Variants in CAP1 observed in about 807,000 individuals in gnomAD.
The protein encoded by CAP1 is adenylyl cyclase-associated protein 1.
Under a neutral mutation model 58.2 loss-of-function variants are expected in CAP1, and 11 were observed. The ratio of observed to expected loss-of-function variants is 0.19; its 90% CI spans 0.12 to 0.31. CAP1 has a LOEUF of 0.31. Among genes scored for constraint, CAP1 ranks in the 10% least tolerant of loss-of-function variants. CAP1 has a pLI of 1.00. For missense variants in CAP1, 423 were observed against 587.5 expected (o/e 0.72, Z 2.89); for synonymous variants, 183 against 213.8 (o/e 0.86, Z 1.26).
rs777575243 is a variant in CAP1 at position 40,070,463 on chromosome 1, A to G, written c.1151A>G (p.Asp384Gly). Residue 384 changes from aspartate to glycine, a missense_variant, in exon 11 of 13, where the codon GAC (aspartate) becomes GGC (glycine). Transcript: ENST00000372805. The part of the protein sequence containing the change: ...NCKKLGLVFD[D>G]VVGIVEIINS... Reference sequence around the variant, plus strand: ...AAGAAACTTGGCCTGGTATTCGATGACGTGGTGGGCATTGTGGAGATAATC... The same window carrying G: ...AAGAAACTTGGCCTGGTATTCGATGGCGTGGTGGGCATTGTGGAGATAATC... 8 of 1,614,138 alleles carry G rather than the reference A, an allele frequency of 5.0e-6. No individual in the cohort carries two copies. The highest frequency in any genetic ancestry group is 6.8e-6 in the Non-Finnish European group (8 of 1,179,974).
rs972925483 is a variant in CAP1 at position 40,049,087 on chromosome 1, G to A, written c.-11+8286G>A. Among the ~76,000 whole-genome samples the A allele has an allele frequency of 2.0e-5, 3 of 151,370 alleles. 1 individual carries two copies. The highest frequency in any genetic ancestry group is 7.3e-5 in the African/African-American group (3 of 41,214). On this transcript the variant is annotated intron_variant, in intron 1 of 12. Transcript: ENST00000372805. ...AACCTGGTTCCATTTACTTCTGAAT[G>A]ACTTCCTTGAATAGGCAGAAGGAAT...
At chr1:40,059,529 C>G in intron 2 of CAP1, 71 bp downstream of exon 2, 1 of 902,848 alleles carries the variant, frequency 1.1e-6, no homozygotes. Flanking sequence ...ATTATTCTCT[C>G]CTTTGGCGCT....
intron 1 of CAP1, among the ~76,000 whole-genome samples, chr1:40,054,190 G>GTTTTTTTTTTTT (rs1553162751): frequency 2.3e-5 from 3 of 128,128 alleles, no homozygotes; most frequent in Admixed American, 1.5e-4. Context: ...TTAGCCCACT[G>GTTTTTTTTTTTT]TTCTTTTTTT....
chr1:40,043,821 G>T (rs1645956789), intron 1 of CAP1, among the ~76,000 whole-genome samples: 1 of 151,822 alleles, frequency 6.6e-6, no homozygotes. Context: ...AGGTTGCAGT[G>T]AGCTGAGATT....
chr1:40,065,145 G>A (rs1368272150), intron 6 of CAP1, among the ~76,000 whole-genome samples: 1 of 152,188 alleles, frequency 6.6e-6, no homozygotes, highest in Non-Finnish European at 1.5e-5. Flanking sequence ...ATGGACTAAT[G>A]CCCTTTATAT....
Position 40,040,780 on chromosome 1 carries a change from G to GGAGGTGAGGCGGAACTCT in CAP1, c.-22_-11+6dup, listed in dbSNP as rs1553160615. On this transcript the variant is annotated 5_prime_UTR_variant, in exon 1 of 13. Coordinates refer to ENST00000372805, the MANE Select transcript of CAP1 (RefSeq NM_006367.4). ...AGCGGAGAGCGGCTGATCGCAGTCC[G>GGAGGTGAGGCGGAACTCT]GAGGTGAGGCGGAACTCTGAGGTGA... 3 of 153,144 alleles carry GGAGGTGAGGCGGAACTCT rather than the reference G, an allele frequency of 2.0e-5. No homozygotes were observed. The highest frequency in any genetic ancestry group is 4.4e-5 in the Non-Finnish European group (3 of 68,430). 9.5% of individuals were successfully genotyped at this position (153,144 alleles called of 1,614,324 possible).
chr1:40,043,100 A>G (rs1260692525), intron 1 of CAP1, among the ~76,000 whole-genome samples: 1 of 152,214 alleles, frequency 6.6e-6, no homozygotes, highest in Admixed American at 6.5e-5. Context: ...CGGAGGCAGG[A>G]GAGGGCCTAA....
intron 2 of CAP1, 140 bp from the exon 3 acceptor site, chr1:40,059,927 C>G: frequency 1.7e-6 from 1 of 578,958 alleles, no homozygotes; most frequent in Non-Finnish European, 3.1e-6. Flanking sequence ...TGATACTGGA[C>G]CTGGAACCCA....
Position 40,071,517 on chromosome 1 carries a change from C to T in CAP1, c.1412C>T (p.Thr471Ile), listed in dbSNP as rs1315643445. The change falls in exon 13 of 13, where the codon ACA (threonine) becomes ATA (isoleucine). Residue 471 changes from threonine (T) to isoleucine (I), a missense_variant. Transcript: ENST00000372805. Reference protein sequence around the residue: ...WNGQKLVTTVTEIAG With the variant: ...WNGQKLVTTVIEIAG ...GGGCAGAAGTTGGTCACCACAGTGA[C>T]AGAAATTGCTGGATAAGCGAAGTGC... 6.2e-7 allele frequency: 1 copy of T among 1,612,710 alleles called. No homozygotes were observed. The highest frequency in any genetic ancestry group is 1.7e-5 in the Admixed American group (1 of 60,006).
chr1:40,051,794 C>T (rs12408640), intron 1 of CAP1, among the ~76,000 whole-genome samples: 21,559 of 152,070 alleles, frequency 0.14, 1,832 homozygotes, highest in African/African-American at 0.24. Context: ...TGGTCTCGAT[C>T]TCCTGACCTT....
intron 1 of CAP1, 47 bp from the exon 2 acceptor site, chr1:40,059,290 G>T: frequency 9.0e-7 from 1 of 1,110,742 alleles, no homozygotes; most frequent in Non-Finnish European, 1.4e-6. Flanking sequence ...CTCTGTAGGT[G>T]CTATTTAATA....
At chr1:40,059,854 A>G (rs921708982) in intron 2 of CAP1, among the ~76,000 whole-genome samples, 3 of 152,228 alleles carry the variant, frequency 2.0e-5, no homozygotes, top group Non-Finnish European at 2.9e-5. Context: ...CATTTTATAG[A>G]TAAAGAAAAT....
chr1:40,051,677 G>A (rs1161784143), intron 1 of CAP1, among the ~76,000 whole-genome samples: 1 of 152,148 alleles, frequency 6.6e-6, no homozygotes, highest in Admixed American at 6.6e-5. Flanking sequence ...CCGGGTTCAT[G>A]CCATTCTCCT....
At chr1:40,062,694 GTT>G (rs1646902688) in intron 4 of CAP1, among the ~76,000 whole-genome samples, 1 of 152,102 alleles carries the variant, frequency 6.6e-6, no homozygotes, top group South Asian at 2.1e-4. Context: ...GGGCCTGAAA[GTT>G]TGAGGATGCA....
intron 1 of CAP1, among the ~76,000 whole-genome samples, chr1:40,047,978 T>C (rs551865617): frequency 1.1e-4 from 16 of 152,270 alleles, no homozygotes; most frequent in East Asian, 5.8e-4. Context: ...TAAATGTCAT[T>C]GGTTTAATCA....
chr1:40,072,078 G>T lies in CAP1; in HGVS notation c.*545G>T, dbSNP rs752168998. On this transcript the variant is annotated 3_prime_UTR_variant, in exon 13 of 13. Coordinates refer to ENST00000372805, the MANE Select transcript of CAP1 (RefSeq NM_006367.4). The stretch of plus-strand genomic sequence containing the variant: ...TTCCATACAAAATTGTTTCCTATAA[G>T]CATTCCTTTTATTCTCTATTCTATC... 2.7e-5 allele frequency: 11 copies of T among 402,156 alleles called. No homozygotes were observed. The highest frequency in any genetic ancestry group is 4.4e-5 in the Non-Finnish European group (10 of 227,958). The allele number at this position is 402,156 out of a possible 1,614,324, so 24.9% of individuals were successfully genotyped here.
intron 1 of CAP1, among the ~76,000 whole-genome samples, chr1:40,053,533 C>T (rs1412938199): frequency 6.6e-6 from 1 of 152,034 alleles, no homozygotes; most frequent in Non-Finnish European, 1.5e-5. Context: ...TCACTGCAAT[C>T]TCCGCCTCCC....
At position 40,069,748 on chromosome 1, in the gene CAP1, G is replaced by A; in HGVS notation, c.867G>A (p.Gln289=). 1.2e-6 allele frequency: 2 copies of A among 1,613,928 alleles called. No individual in the cohort carries two copies. Among genetic ancestry groups the A allele is most frequent in the Non-Finnish European group, 1.7e-6 (2 of 1,179,922 alleles). Residue 289 remains glutamine, a synonymous_variant, in exon 9 of 13, where the codon CAG becomes CAA. Transcript: ENST00000372805. ...KTHKNPALKA[Q]SGPVRSGPKP... The stretch of plus-strand genomic sequence containing the variant: ...ACAAGAACCCTGCCCTGAAGGCTCA[G>A]AGTGGTCCAGTACGCAGTGGCCCCA...
chr1:40,071,270 A>G (rs1647941888), intron 12 of CAP1, among the ~76,000 whole-genome samples, 180 bp from the exon 13 acceptor site: 1 of 152,184 alleles, frequency 6.6e-6, no homozygotes, highest in Non-Finnish European at 1.5e-5. Flanking sequence ...CATAGACTTA[A>G]TAGTCTGTCC....
Sources: allele counts gnomAD v4.1 joint callset (sites outside exome capture counted in the v4.1 genomes callset), GRCh38; gene constraint gnomAD v4.1.1; transcripts MANE v1.5; gene names NCBI Gene and HGNC (gene_info 2026-07-23, HGNC 2026-07-21).